Variants in DICER1 observed in about 807,000 individuals in gnomAD.
DICER1 encodes the protein endoribonuclease Dicer.
A neutral mutation model predicts 194.1 loss-of-function variants in DICER1; 43 were observed. The ratio of observed to expected loss-of-function variants is 0.22; its 90% CI spans 0.17 to 0.29. The LOEUF is 0.29. Among genes scored for constraint, DICER1 ranks in the 10% least tolerant of loss-of-function variants. DICER1 has a pLI of 1.00. For synonymous variants in DICER1, 832 were observed against 820.5 expected, an observed-to-expected ratio of 1.01 and a Z score of -0.24; for missense variants, 1,608 against 2,317.0, an observed-to-expected ratio of 0.69 and a Z score of 6.28.
chr14:95,141,486 A>G (rs530215402), intron 1 of DICER1, among the ~76,000 whole-genome samples: 41 of 152,334 alleles, frequency 2.7e-4, no homozygotes, highest in African/African-American at 9.1e-4. Flanking sequence ...CTCAGGTCTG[A>G]GCCTTCTGCA....
chr14:95,123,563 C>T (rs541035311), intron 8 of DICER1, among the ~76,000 whole-genome samples: 4 of 152,256 alleles, frequency 2.6e-5, no homozygotes, highest in African/African-American at 9.6e-5. Context: ...GCTGGGACTA[C>T]AGGCATACAC....
At chr14:95,133,531 C>A (rs1473605050) in intron 1 of DICER1, 28 bp from the exon 2 acceptor site, 72 of 1,471,812 alleles carry the variant, frequency 4.9e-5, no homozygotes, top group Non-Finnish European at 6.3e-5. Context: ...AATACCATTA[C>A]ACAATCATGC....
intron 12 of DICER1, 52 bp from the exon 13 acceptor site, chr14:95,112,299 C>T (rs1488376315): frequency 1.4e-6 from 2 of 1,434,502 alleles, no homozygotes; most frequent in South Asian, 2.3e-5. Flanking sequence ...TGTATTACCT[C>T]TAGCACATGA....
Position 95,086,347 on chromosome 14 carries a change from T to A in DICER1, c.*4151A>T. On this transcript the variant is annotated 3_prime_UTR_variant, in exon 27 of 27. Transcript: ENST00000343455. ...AAATTTCTGCAGCATGATTACTGTA[T>A]GAATGAATGACATCATGTTCCTTAA... is the stretch of plus-strand genomic sequence containing the variant. 1 of 233,026 alleles carries A rather than the reference T, an allele frequency of 4.3e-6. No homozygotes were observed. The highest frequency in any genetic ancestry group is 8.5e-6 in the Non-Finnish European group (1 of 117,888). 14.4% of individuals were successfully genotyped at this position (233,026 alleles called of 1,614,324 possible). A position where few individuals can be genotyped will look rare whatever the true frequency, so the allele number is the denominator to read the frequency against.
At chr14:95,127,394 G>A (rs138892353) in intron 6 of DICER1, among the ~76,000 whole-genome samples, 10 of 152,300 alleles carry the variant, frequency 6.6e-5, no homozygotes, top group African/African-American at 2.4e-4. Context: ...GCCCTTATCT[G>A]AAAGGCTTGG....
At chr14:95,142,088 G>C (rs1894858931) in intron 1 of DICER1, among the ~76,000 whole-genome samples, 1 of 151,944 alleles carries the variant, frequency 6.6e-6, no homozygotes, top group South Asian at 2.1e-4. Context: ...CAATATGTCA[G>C]TGCTTATGTT....
At position 95,105,555 on chromosome 14, in the gene DICER1, G is replaced by C; in HGVS notation, c.3093+123C>G. 1.2e-6 allele frequency: 1 copy of C among 819,438 alleles called. No individual in the cohort carries two copies. The highest frequency in any genetic ancestry group is 1.5e-5 in the South Asian group (1 of 65,940). The allele number at this position is 819,438 out of a possible 1,614,324, so 50.8% of individuals were successfully genotyped here. On this transcript the variant is annotated intron_variant, in intron 19 of 26. Coordinates refer to ENST00000343455, the MANE Select transcript of DICER1 (RefSeq NM_177438.3). The surrounding 1 kb of genome is among the most constrained non-coding windows in gnomAD (Gnocchi z 4.9). ...AAAACAAAACAAAATTTGAGGATTA[G>C]GTAACTTCTAAAAAATTAACGAATC... is the stretch of plus-strand genomic sequence containing the variant.
Position 95,095,926 on chromosome 14 carries a change from C to A in DICER1, c.4994G>T (p.Gly1665Val). Reference protein sequence around the residue: ...ADKTLNHLISGFENFEKKINY... With the variant: ...ADKTLNHLISVFENFEKKINY... ...GATTTTCTTTTCAAAATTTTCAAAC[C>A]CCGATATAAGGTGATTCAGTGTTTT... The change falls in exon 23 of 27, where the codon GGG (glycine) becomes GTG (valine). Residue 1665 changes from glycine (G) to valine (V), a missense_variant. By Grantham distance (109) the Gly-to-Val change is moderately radical. This residue lies in a region of DICER1 where 125 missense variants were observed against 134.9 expected (regional missense o/e 0.93). Coordinates refer to ENST00000343455, the MANE Select transcript of DICER1 (RefSeq NM_177438.3). The A allele has an allele frequency of 6.2e-7, 1 of 1,614,012 alleles. No individual in the cohort carries two copies.
At position 95,105,841 on chromosome 14, in the gene DICER1, TG is replaced by T; in HGVS notation, c.2988-59del. On this transcript the variant is annotated intron_variant, in intron 18 of 26. Transcript: ENST00000343455. The surrounding 1 kb of genome is among the most constrained non-coding windows in gnomAD (Gnocchi z 4.9). ...CACAAAAATGAGTACATATTCACAG[TG>T]GTTCTCCAAAAACCACCTGAAGAGC... The T allele has an allele frequency of 6.6e-7, 1 of 1,522,136 alleles. No homozygotes were observed. Among genetic ancestry groups the T allele is most frequent in the South Asian group, 1.1e-5 (1 of 88,886 alleles). 94.3% of individuals were successfully genotyped at this position (1,522,136 alleles called of 1,614,324 possible).
At position 95,105,961 on chromosome 14, in the gene DICER1, C is replaced by G; in HGVS notation, c.2987+80G>C. 1 of 1,518,374 alleles carries G rather than the reference C, an allele frequency of 6.6e-7. No individual in the cohort carries two copies. Among genetic ancestry groups the G allele is most frequent in the Non-Finnish European group, 9.1e-7 (1 of 1,093,430 alleles). 94.1% of individuals were successfully genotyped at this position (1,518,374 alleles called of 1,614,324 possible). ...GATAGTCCACGGGTGGGCAGGGGGA[C>G]AGTGAACCTCTGCATGTCTAGTGAT... On this transcript the variant is annotated intron_variant, in intron 18 of 26. Coordinates refer to ENST00000343455, the MANE Select transcript of DICER1 (RefSeq NM_177438.3). This position sits in a 1 kb window ranked among gnomAD's most constrained non-coding sequence, Gnocchi z 4.9.
chr14:95,087,135 G>A lies in DICER1; in HGVS notation c.*3363C>T. ...TGCAGTGCCCACCTGCCTCCAGGGA[G>A]CGACTGAAGAAGCCGACTGCCGGGG... On this transcript the variant is annotated 3_prime_UTR_variant, in exon 27 of 27. Transcript: ENST00000343455. The A allele has an allele frequency of 4.3e-6, 1 of 233,322 alleles. No individual in the cohort carries two copies. Among genetic ancestry groups the A allele is most frequent in the South Asian group, 1.8e-4 (1 of 5,528 alleles). The allele number at this position is 233,322 out of a possible 1,614,324, so 14.5% of individuals were successfully genotyped here.
In DICER1 at chr14:95,103,729, A is replaced by G. The variant is rs1006671935; in HGVS notation, c.3667T>C (p.Tyr1223His). The G allele has an allele frequency of 2.5e-6, 4 of 1,614,222 alleles. No homozygotes were observed. Among genetic ancestry groups the G allele is most frequent in the Non-Finnish European group, 3.4e-6 (4 of 1,180,032 alleles). ...GGCTGGGGCTGGTTCTCGTAACTGT[A>G]TAAATTCTGAATGGAATATGAGGTA... ...PTTSYSIQNL[Y>H]SYENQPQPSD... The change falls in exon 21 of 27, where the codon TAC (tyrosine) becomes CAC (histidine). Residue 1223 changes from tyrosine to histidine, a missense_variant. Tyr to His is a moderately conservative substitution (Grantham distance 83). Around this residue, in one of 10 missense-constraint regions of DICER1, gnomAD observed 222 missense variants for 215.5 expected, o/e 1.03. Transcript: ENST00000343455.
chr14:95,143,522 G>A (rs1172818867), intron 1 of DICER1, among the ~76,000 whole-genome samples: 1 of 152,134 alleles, frequency 6.6e-6, no homozygotes, highest in Non-Finnish European at 1.5e-5. Flanking sequence ...CCTAGGAGGA[G>A]ATGGGCCTAA....
chr14:95,121,888 T>C (rs201042432), intron 8 of DICER1, among the ~76,000 whole-genome samples: 1 of 152,052 alleles, frequency 6.6e-6, no homozygotes, highest in Non-Finnish European at 1.5e-5. Context: ...GAAGTGGCTG[T>C]GATTTATTTT....
At chr14:95,116,363 T>C (rs1892463108) in intron 10 of DICER1, 90 bp downstream of exon 10, 2 of 1,478,110 alleles carry the variant, frequency 1.4e-6, no homozygotes, top group Admixed American at 1.8e-5. Context: ...TAAAACTCAT[T>C]ATCTGTTCCT....
At chr14:95,112,302 G>A (rs1284892470) in intron 12 of DICER1, 55 bp from the exon 13 acceptor site, 2 of 1,411,734 alleles carry the variant, frequency 1.4e-6, no homozygotes, top group African/African-American at 1.4e-5. Flanking sequence ...ATTACCTCTA[G>A]CACATGAAAC....
At chr14:95,126,792 A>G in intron 6 of DICER1, 44 bp from the exon 7 acceptor site, 6 of 1,273,430 alleles carry the variant, frequency 4.7e-6, no homozygotes, top group Non-Finnish European at 6.7e-6. Context: ...CAGTAGTGAG[A>G]ATGCAATTTA....
At position 95,116,542 on chromosome 14, in the gene DICER1, C is replaced by A. The variant is rs1892489257; in HGVS notation, c.1663G>T (p.Ala555Ser). The change falls in exon 10 of 27, where the codon GCA (alanine) becomes TCA (serine). Residue 555 changes from alanine to serine, a missense_variant. Coordinates refer to ENST00000343455, the MANE Select transcript of DICER1 (RefSeq NM_177438.3). The part of the protein sequence containing the change: ...SYVQSKGRAR[A>S]PISNYIMLAD... ...AACATTATATAATTAGAGATGGGTG[C>A]CCTTGCTCTTCCTTTAGATTGAACA... The A allele has an allele frequency of 1.2e-6, 2 of 1,613,674 alleles. No homozygotes were observed. Among genetic ancestry groups the A allele is most frequent in the Non-Finnish European group, 1.7e-6 (2 of 1,179,900 alleles).
At position 95,124,789 on chromosome 14, in the gene DICER1, G is replaced by A; in HGVS notation, c.904-121C>T. ...GCTCCTTAAATGTAACCCAGCCTTA[G>A]GTTAAGTCCCTGAAGGTGGGGGGAG... is the stretch of plus-strand genomic sequence containing the variant. On this transcript the variant is annotated intron_variant, in intron 7 of 26. Coordinates refer to ENST00000343455, the MANE Select transcript of DICER1 (RefSeq NM_177438.3). This position sits in a 1 kb window ranked among gnomAD's most constrained non-coding sequence, Gnocchi z 4.5. 1.2e-6 allele frequency: 1 copy of A among 838,918 alleles called. No homozygotes were observed. Among genetic ancestry groups the A allele is most frequent in the South Asian group, 1.6e-5 (1 of 63,528 alleles). 52.0% of individuals were successfully genotyped at this position (838,918 alleles called of 1,614,324 possible). A position where few individuals can be genotyped will look rare whatever the true frequency, so the allele number is the denominator to read the frequency against.
Sources: allele counts gnomAD v4.1 joint callset (sites outside exome capture counted in the v4.1 genomes callset), GRCh38; gene constraint gnomAD v4.1.1; regional missense constraint gnomAD v4.1.1; non-coding constraint Gnocchi (gnomAD v3.1); transcripts MANE v1.5; gene names NCBI Gene and HGNC (gene_info 2026-07-23, HGNC 2026-07-21).